The following PFKFB2 variants were observed in gnomAD, a reference collection of about 807,000 sequenced individuals.
PFKFB2 encodes 6-phosphofructo-2-kinase/fructose-2,6-bisphosphatase 2.
Under a neutral mutation model 68.0 loss-of-function variants are expected in PFKFB2, and 53 were observed. The ratio of observed to expected loss-of-function variants is 0.78; its 90% confidence interval spans 0.63 to 0.98. PFKFB2 has a LOEUF of 0.98. Ranked by LOEUF, PFKFB2 falls within the 50% of genes least tolerant of loss-of-function variation. PFKFB2 has a pLI of 0.00. For synonymous variants in PFKFB2, 222 were observed against 227.6 expected (o/e 0.98, Z 0.22); for missense variants, 451 against 642.0 (o/e 0.70, Z 3.22).
At chr1:207,049,251 C>A (rs771286369), upstream of PFKFB2, 8 of 1,614,104 alleles carry the variant, frequency 5.0e-6, no homozygotes, top group Non-Finnish European at 6.8e-6. Context: ...GGAAGTTACG[C>A]TGAAGTGGAT....
Position 207,074,625 on chromosome 1 carries a change from A to C in PFKFB2, c.*2254A>C. 1.0e-6 allele frequency: 1 copy of C among 985,414 alleles called. No individual in the cohort carries two copies. The highest frequency in any genetic ancestry group is 1.2e-6 in the Non-Finnish European group (1 of 829,916). 61.0% of individuals were successfully genotyped at this position (985,414 alleles called of 1,614,324 possible). Reference sequence around the variant, plus strand: ...CAAAATTGTGTCCAAGATGTTAAGTAACCTGCTATTCCTGTTTAGTGGTTA... The same window carrying C: ...CAAAATTGTGTCCAAGATGTTAAGTCACCTGCTATTCCTGTTTAGTGGTTA... On this transcript the variant is annotated 3_prime_UTR_variant, in exon 15 of 15. Coordinates refer to ENST00000367080, the MANE Select transcript of PFKFB2 (RefSeq NM_006212.2).
chr1:207,055,641 T>TTATATATA (rs34590725), intron 2 of PFKFB2, among the ~76,000 whole-genome samples: 41 of 147,674 alleles, frequency 2.8e-4, no homozygotes, highest in African/African-American at 9.5e-4. Flanking sequence ...ACTTCAGTGG[T>TTATATATA]TATATATATA....
Position 207,077,268 on chromosome 1 carries a change from C to T in PFKFB2, c.*4897C>T. 1 of 984,840 alleles carries T rather than the reference C, an allele frequency of 1.0e-6. No homozygotes were observed. Among genetic ancestry groups the T allele is most frequent in the Non-Finnish European group, 1.2e-6 (1 of 829,534 alleles). 61.0% of individuals were successfully genotyped at this position (984,840 alleles called of 1,614,324 possible). On this transcript the variant is annotated 3_prime_UTR_variant, in exon 15 of 15. Coordinates refer to ENST00000367080, the MANE Select transcript of PFKFB2 (RefSeq NM_006212.2). ...GACAGGGCTGCTATTTTTAGTCAGC[C>T]ATGCATTTGGATTTTACACTTAATC...
At chr1:207,062,215 A>G (rs1352615818) in intron 3 of PFKFB2, 137 bp downstream of exon 3, 30 of 1,206,070 alleles carry the variant, frequency 2.5e-5, no homozygotes, top group Non-Finnish European at 3.3e-5. Flanking sequence ...GGTTTACTGG[A>G]GTTATTCTCT....
chr1:207,076,629 A>ACTGACAGACAGACTTTAGTGTCTGTGTG lies in PFKFB2; in HGVS notation c.*4263_*4264insAGACAGACTTTAGTGTCTGTGTGCTGAC, dbSNP rs1572741142. 5.6e-6 allele frequency: 5 copies of ACTGACAGACAGACTTTAGTGTCTGTGTG among 885,868 alleles called. No homozygotes were observed. The highest frequency in any genetic ancestry group is 5.4e-6 in the Non-Finnish European group (4 of 741,840). 54.9% of individuals were successfully genotyped at this position (885,868 alleles called of 1,614,324 possible). ...TGTCTCTAGTTGGATCTCTGTGCTG[A>ACTGACAGACAGACTTTAGTGTCTGTGTG]CTGACTGACAGACAGACTTTAGTGT... On this transcript the variant is annotated 3_prime_UTR_variant, in exon 15 of 15. Transcript: ENST00000367080.
chr1:207,054,810 C>T lies in PFKFB2; in HGVS notation c.85+8C>T, dbSNP rs1299449188. The T allele has an allele frequency of 1.2e-6, 2 of 1,601,732 alleles. No individual in the cohort carries two copies. Among genetic ancestry groups the T allele is most frequent in the South Asian group, 2.2e-5 (2 of 90,114 alleles). On this transcript the variant is annotated splice_region_variant and intron_variant, in intron 2 of 14. Transcript: ENST00000367080. ...TGTCAGAGAAGAAATGTTGTGAGTT[C>T]TGGCAGAGAGGAGGGACTGCTCTCT...
At chr1:207,038,419 C>T (rs1420917694) in intron 1 of PFKFB2, among the ~76,000 whole-genome samples, 1 of 152,130 alleles carries the variant, frequency 6.6e-6, no homozygotes, top group African/African-American at 2.4e-5. Context: ...TGGATCCTTG[C>T]CTGCTTCTAA....
upstream of PFKFB2, among the ~76,000 whole-genome samples, chr1:207,051,940 T>A (rs1273804145): frequency 6.6e-6 from 1 of 152,216 alleles, no homozygotes; most frequent in African/African-American, 2.4e-5. Context: ...CTGGGAGTTG[T>A]AAAAAGCCTT....
In PFKFB2 at chr1:207,074,238, T is replaced by G. The variant is rs1372601726; in HGVS notation, c.*1867T>G. The stretch of plus-strand genomic sequence containing the variant: ...TCAGACAAAAGTGTCAGCCTAGGAA[T>G]TCTGAATTCCTCATAGTCCTGAAAG... On this transcript the variant is annotated 3_prime_UTR_variant, in exon 15 of 15. Coordinates refer to ENST00000367080, the MANE Select transcript of PFKFB2 (RefSeq NM_006212.2). 5.1e-6 allele frequency: 5 copies of G among 985,220 alleles called. No homozygotes were observed. The highest frequency in any genetic ancestry group is 6.0e-6 in the Non-Finnish European group (5 of 829,838). The allele number at this position is 985,220 out of a possible 1,614,324, so 61.0% of individuals were successfully genotyped here. A position where few individuals can be genotyped will look rare whatever the true frequency, so the allele number is the denominator to read the frequency against.
intron 8 of PFKFB2, among the ~76,000 whole-genome samples, 173 bp from the exon 9 acceptor site, chr1:207,067,326 G>C (rs1683320510): frequency 6.6e-6 from 1 of 152,180 alleles, no homozygotes; most frequent in Non-Finnish European, 1.5e-5. Flanking sequence ...CTTCATCTTG[G>C]TTTTAAGGAG....
rs988146499 is a variant in PFKFB2 at position 207,077,357 on chromosome 1, A to AT, written c.*4992dup. The AT allele has an allele frequency of 6.3e-5, 62 of 984,964 alleles. No homozygotes were observed. Among genetic ancestry groups the AT allele is most frequent in the Middle Eastern group, 5.2e-4 (1 of 1,914 alleles). 61.0% of individuals were successfully genotyped at this position (984,964 alleles called of 1,614,324 possible). On this transcript the variant is annotated 3_prime_UTR_variant, in exon 15 of 15. Coordinates refer to ENST00000367080, the MANE Select transcript of PFKFB2 (RefSeq NM_006212.2). Reference sequence around the variant, plus strand: ...ATTGATTTTAAGGGTTGGCAAAAGTATTTTTTCCAGTAAGCCTTTCACTGG... The same window carrying AT: ...ATTGATTTTAAGGGTTGGCAAAAGTATTTTTTTCCAGTAAGCCTTTCACTGG...
chr1:207,040,299 GT>G (rs920901826), intron 1 of PFKFB2, among the ~76,000 whole-genome samples: 3 of 152,182 alleles, frequency 2.0e-5, no homozygotes, highest in African/African-American at 7.2e-5. Context: ...CATCTTTAGG[GT>G]TTTAGAACAT....
intron 2 of PFKFB2, among the ~76,000 whole-genome samples, chr1:207,043,316 C>G (rs1682514654): frequency 6.6e-6 from 1 of 152,098 alleles, no homozygotes; most frequent in African/African-American, 2.4e-5. Flanking sequence ...TGCTGCTGTA[C>G]AAACTGATTA....
Position 207,075,535 on chromosome 1 carries a change from A to G in PFKFB2, c.*3164A>G. 1.0e-6 allele frequency: 1 copy of G among 985,088 alleles called. No homozygotes were observed. The highest frequency in any genetic ancestry group is 1.2e-6 in the Non-Finnish European group (1 of 829,590). The allele number at this position is 985,088 out of a possible 1,614,324, so 61.0% of individuals were successfully genotyped here. The stretch of plus-strand genomic sequence containing the variant: ...ATACATTACTATGACTGTGTCTATC[A>G]CAAGTCCTACAAAATAAAAATGGAC... On this transcript the variant is annotated 3_prime_UTR_variant, in exon 15 of 15. Transcript: ENST00000367080.
chr1:207,076,011 T>A lies in PFKFB2; in HGVS notation c.*3640T>A, dbSNP rs1363041191. Reference sequence around the variant, plus strand: ...CTAAAAACTTGCATTGTGCTAGGGATCTGCCCTATATCTTTGCCTCTGGTG... The same window carrying A: ...CTAAAAACTTGCATTGTGCTAGGGAACTGCCCTATATCTTTGCCTCTGGTG... On this transcript the variant is annotated 3_prime_UTR_variant, in exon 15 of 15. Transcript: ENST00000367080. 2.0e-6 allele frequency: 2 copies of A among 985,364 alleles called. No homozygotes were observed. The highest frequency in any genetic ancestry group is 4.7e-5 in the South Asian group (1 of 21,296). The allele number at this position is 985,364 out of a possible 1,614,324, so 61.0% of individuals were successfully genotyped here. A position where few individuals can be genotyped will look rare whatever the true frequency, so the allele number is the denominator to read the frequency against.
upstream of PFKFB2, chr1:207,050,952 C>T (rs541136434): frequency 5.1e-6 from 8 of 1,570,368 alleles, no homozygotes; most frequent in East Asian, 2.4e-5. Flanking sequence ...TTGGTCCCGG[C>T]AGCCTGTTGG....
chr1:207,051,833 C>T (rs766461741), upstream of PFKFB2, among the ~76,000 whole-genome samples: 1 of 152,172 alleles, frequency 6.6e-6, no homozygotes, highest in Non-Finnish European at 1.5e-5. Context: ...TGCCTAGAAC[C>T]CAGGACTGTG....
intron 2 of PFKFB2, 28 bp from the exon 3 acceptor site, chr1:207,061,925 C>T (rs776857635): frequency 1.2e-5 from 19 of 1,596,584 alleles, no homozygotes; most frequent in East Asian, 4.5e-5. Flanking sequence ...CTAGTCATTT[C>T]GTTTTATTTT....
chr1:207,051,424 G>A (rs1466267541), upstream of PFKFB2, among the ~76,000 whole-genome samples: 1 of 152,198 alleles, frequency 6.6e-6, no homozygotes, highest in Non-Finnish European at 1.5e-5. Flanking sequence ...GTGAGTCAAA[G>A]GACCAGTCAA....
Sources: allele counts gnomAD v4.1 joint callset (sites outside exome capture counted in the v4.1 genomes callset), GRCh38; gene constraint gnomAD v4.1.1; transcripts MANE v1.5; gene names NCBI Gene and HGNC (gene_info 2026-07-23, HGNC 2026-07-21).